Variants in REC114 observed in about 807,000 individuals in gnomAD.
REC114 encodes the protein meiotic recombination protein REC114.
A neutral mutation model predicts 31.3 loss-of-function variants in REC114; 27 were observed. The observed-to-expected ratio is 0.86, with a 90% confidence interval of 0.64 to 1.19. The LOEUF (loss-of-function observed/expected upper bound fraction) is 1.19. Ranked by LOEUF, REC114 falls within the 50% of genes most tolerant of loss-of-function variation. REC114 has a pLI of 0.00. For missense variants in REC114, 344 were observed against 326.9 expected (o/e 1.05, Z -0.40); for synonymous variants, 134 against 127.7 (o/e 1.05, Z -0.33).
chr15:73,497,686 T>TCACATTACTTTATTA (rs1475912562), intron 2 of REC114, among the ~76,000 whole-genome samples: 1 of 152,212 alleles, frequency 6.6e-6, no homozygotes, highest in East Asian at 1.9e-4. Flanking sequence ...AGTAATATTG[T>TCACATTACTTTATTA]CATTATTTTA....
chr15:73,530,548 T>C (rs1290541909), intron 2 of REC114, among the ~76,000 whole-genome samples: 1 of 152,104 alleles, frequency 6.6e-6, no homozygotes, highest in Non-Finnish European at 1.5e-5. Flanking sequence ...TTCAGGAGGC[T>C]GAGGTGGGAG....
intron 2 of REC114, among the ~76,000 whole-genome samples, chr15:73,532,505 T>C (rs1894099640): frequency 6.6e-6 from 1 of 151,256 alleles, no homozygotes; most frequent in Admixed American, 6.6e-5. Context: ...TACCCAGTAA[T>C]GGGATGGCTG....
intron 2 of REC114, among the ~76,000 whole-genome samples, chr15:73,485,429 T>C (rs1310642702): frequency 6.6e-6 from 1 of 152,190 alleles, no homozygotes. Context: ...TGATATGGTT[T>C]GGATCTGAGT....
At chr15:73,520,774 AAG>A (rs1893926767) in intron 2 of REC114, among the ~76,000 whole-genome samples, 1 of 152,200 alleles carries the variant, frequency 6.6e-6, no homozygotes. Flanking sequence ...TATCTTTTAA[AAG>A]AGTATTTCTA....
intron 1 of REC114, among the ~76,000 whole-genome samples, chr15:73,455,982 T>C (rs1300316850): frequency 2.6e-5 from 4 of 152,198 alleles, no homozygotes; most frequent in Admixed American, 2.0e-4. Context: ...ATGATAGCCA[T>C]ATAGTAAAAT....
chr15:73,516,714 G>A (rs2141317871), intron 2 of REC114, among the ~76,000 whole-genome samples: 1 of 152,216 alleles, frequency 6.6e-6, no homozygotes, highest in East Asian at 1.9e-4. Flanking sequence ...TGCAACCTCT[G>A]CCTCCTGGGT....
At chr15:73,476,228 T>C (rs1283821202) in intron 2 of REC114, among the ~76,000 whole-genome samples, 1 of 152,222 alleles carries the variant, frequency 6.6e-6, no homozygotes, top group East Asian at 1.9e-4. Flanking sequence ...TTTTTTAAAA[T>C]TATTTTTAAA....
At chr15:73,456,772 T>C (rs1193322984) in intron 1 of REC114, among the ~76,000 whole-genome samples, 3 of 152,164 alleles carry the variant, frequency 2.0e-5, no homozygotes, top group Non-Finnish European at 4.4e-5. Context: ...AGAAAGAATT[T>C]AGACACTCCT....
chr15:73,487,109 C>G (rs1348900548), intron 2 of REC114, among the ~76,000 whole-genome samples: 2 of 152,116 alleles, frequency 1.3e-5, no homozygotes, highest in Admixed American at 1.3e-4. Context: ...ACTTAATCAC[C>G]TCTTAAAGGT....
chr15:73,490,928 A>G (rs1337992836), intron 2 of REC114, among the ~76,000 whole-genome samples: 1 of 152,192 alleles, frequency 6.6e-6, no homozygotes, highest in African/African-American at 2.4e-5. Flanking sequence ...GATTAAATGC[A>G]ATTATTGTAA....
intron 3 of REC114, among the ~76,000 whole-genome samples, chr15:73,548,226 C>T (rs747762769): frequency 6.6e-6 from 1 of 152,050 alleles, no homozygotes; most frequent in African/African-American, 2.4e-5. Context: ...GTTCTGCCTC[C>T]GCCTCCCGAA....
intron 1 of REC114, among the ~76,000 whole-genome samples, chr15:73,470,815 A>C (rs111927313): frequency 9.2e-5 from 14 of 152,318 alleles, no homozygotes; most frequent in African/African-American, 3.4e-4. Flanking sequence ...TATTTAAGCT[A>C]AGGTTTGAAG....
chr15:73,457,453 T>G (rs1182058522), intron 1 of REC114, among the ~76,000 whole-genome samples: 1 of 152,180 alleles, frequency 6.6e-6, no homozygotes, highest in African/African-American at 2.4e-5. Context: ...TCTTGCAAAC[T>G]GTAGCTGCAC....
intron 5 of REC114, among the ~76,000 whole-genome samples, chr15:73,557,493 T>C (rs12324361): frequency 0.028 from 4,302 of 151,064 alleles, 68 homozygotes; most frequent in African/African-American, 0.048. Flanking sequence ...GACAATCATA[T>C]AGAATAAAAA....
chr15:73,555,819 G>C (rs1939581559), intron 4 of REC114, among the ~76,000 whole-genome samples: 1 of 152,182 alleles, frequency 6.6e-6, no homozygotes, highest in Non-Finnish European at 1.5e-5. Flanking sequence ...GAAAACATCA[G>C]TTGTCTTAAA....
At chr15:73,541,126 G>C (rs1243114124) in intron 3 of REC114, among the ~76,000 whole-genome samples, 1 of 152,002 alleles carries the variant, frequency 6.6e-6, no homozygotes. Context: ...AATTTTTGAG[G>C]GACTCAGACT....
chr15:73,508,201 G>C (rs989115502), intron 2 of REC114, among the ~76,000 whole-genome samples: 7 of 152,046 alleles, frequency 4.6e-5, no homozygotes, highest in African/African-American at 1.7e-4. Context: ...ATGAATAAAT[G>C]AATAGAGTAA....
chr15:73,525,855 G>C (rs575069371), intron 2 of REC114, among the ~76,000 whole-genome samples: 2 of 152,234 alleles, frequency 1.3e-5, no homozygotes, highest in South Asian at 4.1e-4. Flanking sequence ...GATCAAGTAG[G>C]TTGATTGTGT....
chr15:73,513,628 G>A (rs984263944), intron 2 of REC114, among the ~76,000 whole-genome samples: 2 of 151,964 alleles, frequency 1.3e-5, no homozygotes, highest in African/African-American at 2.4e-5. Context: ...TTTTCGGTGT[G>A]GATGTCCTTT....
Sources: allele counts gnomAD v4.1 joint callset (sites outside exome capture counted in the v4.1 genomes callset), GRCh38; gene constraint gnomAD v4.1.1; transcripts MANE v1.5; gene names NCBI Gene and HGNC (gene_info 2026-07-23, HGNC 2026-07-21).